IPMK: variants seen among roughly 807,000 people sequenced by gnomAD.
IPMK encodes inositol polyphosphate multikinase.
In IPMK, 17 loss-of-function variants were observed where a neutral mutation model predicts 45.8. That is an observed-to-expected ratio of 0.37 (90% CI 0.25 to 0.56). The LOEUF (loss-of-function observed/expected upper bound fraction) is 0.56, where lower values mean the gene tolerates loss of function less well. IPMK is among the 20% of genes least tolerant of loss of function. The pLI, the probability that IPMK is intolerant of heterozygous loss-of-function variation, is 0.79. For missense variants in IPMK, 399 were observed against 498.0 expected (o/e 0.80, Z 1.89); for synonymous variants, 180 against 184.3 (o/e 0.98, Z 0.19).
chr10:58,220,842 A>G (rs1183554178), intron 3 of IPMK, among the ~76,000 whole-genome samples: 1 of 152,218 alleles, frequency 6.6e-6, no homozygotes, highest in East Asian at 1.9e-4. Context: ...ATATTTATTC[A>G]TTTTACCTCT....
chr10:58,256,575 C>T (rs775991217), intron 1 of IPMK, among the ~76,000 whole-genome samples: 26 of 152,112 alleles, frequency 1.7e-4, no homozygotes, highest in Non-Finnish European at 3.1e-4. Flanking sequence ...TCTTTTATTG[C>T]CCCTTGAAGC....
At chr10:58,239,066 T>C (rs1838659530) in intron 1 of IPMK, among the ~76,000 whole-genome samples, 1 of 152,264 alleles carries the variant, frequency 6.6e-6, no homozygotes, top group African/African-American at 2.4e-5. Flanking sequence ...GGAAGATGGC[T>C]TGAGCCCAGG....
chr10:58,252,187 T>A (rs1479877342), intron 1 of IPMK, among the ~76,000 whole-genome samples: 1 of 152,252 alleles, frequency 6.6e-6, no homozygotes, highest in Admixed American at 6.5e-5. Context: ...ATAAAAAACA[T>A]CTTGTAGTTA....
At chr10:58,244,058 G>C (rs946979062) in intron 1 of IPMK, among the ~76,000 whole-genome samples, 1 of 148,626 alleles carries the variant, frequency 6.7e-6, no homozygotes, top group Admixed American at 6.7e-5. Context: ...CTGCCCGGCC[G>C]CTCTTCGTCT....
chr10:58,218,066 T>C (rs999508226), intron 3 of IPMK, among the ~76,000 whole-genome samples: 1 of 152,204 alleles, frequency 6.6e-6, no homozygotes, highest in African/African-American at 2.4e-5. Context: ...ATACTTTTTA[T>C]GCTTTAGTCA....
In IPMK at chr10:58,217,083, A is replaced by C. The variant is rs547824415; in HGVS notation, c.374-766T>G. 4.0e-5 allele frequency among the ~76,000 whole-genome samples: 6 copies of C among 150,908 alleles called. No individual in the cohort carries two copies. The East Asian group carries it at 1.2e-3, about 30-fold the overall frequency. On this transcript the variant is annotated intron_variant, in intron 3 of 5. Coordinates refer to ENST00000373935, the MANE Select transcript of IPMK (RefSeq NM_152230.5). ...AGCCTGGTCTCGAACTTCTGGCCTC[A>C]AGTGATCTGCCTGCCTCGGCCTCCC...
chr10:58,258,796 G>A (rs1839012688), intron 1 of IPMK, among the ~76,000 whole-genome samples: 1 of 152,144 alleles, frequency 6.6e-6, no homozygotes, highest in East Asian at 1.9e-4. Context: ...AATTTAAGAT[G>A]TCAGAAAAAA....
intron 3 of IPMK, among the ~76,000 whole-genome samples, chr10:58,223,489 T>C (rs1283442130): frequency 6.6e-6 from 1 of 152,288 alleles, no homozygotes; most frequent in East Asian, 1.9e-4. Context: ...CCTTAATCAA[T>C]ATTGTTGATT....
intron 1 of IPMK, among the ~76,000 whole-genome samples, chr10:58,253,156 G>A (rs1222185219): frequency 1.3e-5 from 2 of 152,140 alleles, no homozygotes; most frequent in African/African-American, 2.4e-5. Context: ...TTTTATAAAT[G>A]GAAGTTCCAC....
Position 58,243,521 on chromosome 10 carries a change from C to A in IPMK, c.191-5707G>T, listed in dbSNP as rs115210885. 7.1e-3 allele frequency among the ~76,000 whole-genome samples: 1,074 copies of A among 152,194 alleles called. 13 individuals carry two copies. The highest frequency in any genetic ancestry group is 0.024 in the African/African-American group (999 of 41,532). Reference sequence around the variant, plus strand: ...AGTGCCTGTGATTCCAGGCACGTGCCGCCACTCCTGACTGGTTTATATATT... The same window carrying A: ...AGTGCCTGTGATTCCAGGCACGTGCAGCCACTCCTGACTGGTTTATATATT... On this transcript the variant is annotated intron_variant, in intron 1 of 5. Coordinates refer to ENST00000373935, the MANE Select transcript of IPMK (RefSeq NM_152230.5).
chr10:58,217,858 TAA>T (rs1420074065), intron 3 of IPMK, among the ~76,000 whole-genome samples: 1 of 152,046 alleles, frequency 6.6e-6, no homozygotes, highest in African/African-American at 2.4e-5. Flanking sequence ...CTGAATTAAA[TAA>T]AAGAGTACCG....
chr10:58,256,849 G>C (rs1838976202), intron 1 of IPMK, among the ~76,000 whole-genome samples: 1 of 152,146 alleles, frequency 6.6e-6, no homozygotes, highest in Non-Finnish European at 1.5e-5. Context: ...GAAAACTTGA[G>C]CCAAGGAGTT....
At chr10:58,266,851 C>A (rs1839154857) in intron 1 of IPMK, among the ~76,000 whole-genome samples, 2 of 152,104 alleles carry the variant, frequency 1.3e-5, no homozygotes, top group African/African-American at 4.8e-5. Context: ...ACCACGCCTC[C>A]CAGAGAAATC....
chr10:58,208,515 TTC>T (rs1301826331), intron 4 of IPMK, among the ~76,000 whole-genome samples: 4 of 152,112 alleles, frequency 2.6e-5, no homozygotes, highest in African/African-American at 9.7e-5. Flanking sequence ...TATTTACTTT[TTC>T]TCTCTCTCTC....
At chr10:58,216,099 A>G in intron 4 of IPMK, 46 bp downstream of exon 4, 3 of 1,233,584 alleles carry the variant, frequency 2.4e-6, no homozygotes, top group Non-Finnish European at 3.3e-6. Flanking sequence ...TCAAGGGAAG[A>G]ACATGTACAG....
At chr10:58,209,786 T>C (rs1168431853) in intron 4 of IPMK, among the ~76,000 whole-genome samples, 1 of 152,158 alleles carries the variant, frequency 6.6e-6, no homozygotes, top group Non-Finnish European at 1.5e-5. Context: ...GTCAGGGTGT[T>C]GGAGGCAGTA....
intron 3 of IPMK, among the ~76,000 whole-genome samples, chr10:58,218,682 A>C (rs1356382064): frequency 1.3e-5 from 2 of 152,212 alleles, no homozygotes; most frequent in Non-Finnish European, 2.9e-5. Context: ...CAGCATCTAT[A>C]TCTCACTGTA....
intron 3 of IPMK, among the ~76,000 whole-genome samples, 199 bp from the exon 4 acceptor site, chr10:58,216,516 G>A (rs2790145): frequency 0.34 from 50,979 of 150,212 alleles, 10,813 homozygotes; most frequent in African/African-American, 0.61. Flanking sequence ...TCACAGAGAA[G>A]CTCTTGCAGG....
At chr10:58,209,000 C>T (rs1219188967) in intron 4 of IPMK, among the ~76,000 whole-genome samples, 1 of 152,188 alleles carries the variant, frequency 6.6e-6, no homozygotes, top group East Asian at 1.9e-4. Flanking sequence ...AAACTATTTA[C>T]CTCACAGCCT....
Sources: allele counts gnomAD v4.1 joint callset (sites outside exome capture counted in the v4.1 genomes callset), GRCh38; gene constraint gnomAD v4.1.1; transcripts MANE v1.5; gene names NCBI Gene and HGNC (gene_info 2026-07-23, HGNC 2026-07-21).